The following CFAP43 variants were observed in gnomAD, a reference collection of about 807,000 sequenced individuals.
The protein encoded by CFAP43 is cilia- and flagella-associated protein 43.
In CFAP43, 155 loss-of-function variants were observed where a neutral mutation model predicts 218.9. The ratio of observed to expected loss-of-function variants is 0.71; its 90% CI spans 0.62 to 0.81. The LOEUF (loss-of-function observed/expected upper bound fraction) is 0.81. Among genes scored for constraint, CFAP43 ranks in the 30% least tolerant of loss-of-function variants. The probability of loss-of-function intolerance (pLI) is 0.00; values close to 1 mark genes in which losing one functional copy is unlikely to be tolerated. For synonymous variants in CFAP43, 645 were observed against 681.3 expected (o/e 0.95, Z 0.83); for missense variants, 1,778 against 1,954.3 (o/e 0.91, Z 1.70).
chr10:104,203,550 AC>A, intron 8 of CFAP43, 121 bp downstream of exon 8: 1 of 932,854 alleles, frequency 1.1e-6, no homozygotes, highest in Non-Finnish European at 1.5e-6. Flanking sequence ...TTCATTTACA[AC>A]CTAGAGTCTT....
chr10:104,178,932 G>T, intron 19 of CFAP43, 97 bp downstream of exon 19: 1 of 793,564 alleles, frequency 1.3e-6, no homozygotes, highest in Non-Finnish European at 1.9e-6. Context: ...GCAGAGAAAA[G>T]GGAGGTATAG....
chr10:104,137,076 C>T (rs1168737791), intron 34 of CFAP43, among the ~76,000 whole-genome samples: 1 of 152,172 alleles, frequency 6.6e-6, no homozygotes, highest in East Asian at 1.9e-4. Context: ...GTGCCTCAAT[C>T]AGTTAAACAT....
chr10:104,130,068 G>T lies in CFAP43; in HGVS notation c.*71C>A, dbSNP rs1241465596. ...TCAATTTCCCAGTAAGAAAGAAAAG[G>T]AAATCATTTTACCCAAATGAAATGA... On this transcript the variant is annotated 3_prime_UTR_variant, in exon 38 of 38. Transcript: ENST00000357060. 6.8e-7 allele frequency: 1 copy of T among 1,469,134 alleles called. No homozygotes were observed. The highest frequency in any genetic ancestry group is 1.4e-5 in the African/African-American group (1 of 69,940). The allele number at this position is 1,469,134 out of a possible 1,614,324, so 91.0% of individuals were successfully genotyped here.
intron 23 of CFAP43, among the ~76,000 whole-genome samples, chr10:104,164,554 C>G (rs934480010): frequency 6.6e-6 from 1 of 152,060 alleles, no homozygotes; most frequent in Non-Finnish European, 1.5e-5. Context: ...CCCGCTACCA[C>G]GCCCGGCTAA....
At chr10:104,176,960 C>T (rs1488078959) in intron 19 of CFAP43, among the ~76,000 whole-genome samples, 1 of 151,788 alleles carries the variant, frequency 6.6e-6, no homozygotes, top group Non-Finnish European at 1.5e-5. Flanking sequence ...GACCAATTAT[C>T]CAATAAGGAA....
chr10:104,217,026 A>G lies in CFAP43; in HGVS notation c.417-2600T>C, dbSNP rs150925973. Among the ~76,000 whole-genome samples the G allele has an allele frequency of 8.5e-5, 13 of 152,182 alleles. No homozygotes were observed. The East Asian group carries it at 9.7e-4, about 11-fold the overall frequency. On this transcript the variant is annotated intron_variant, in intron 3 of 37. Transcript: ENST00000357060. ...TGAGGTGTTCTTACTTACATTTCAC[A>G]CTTTGGCTATCCATTGACTTAATTA...
In CFAP43 at chr10:104,212,261, C is replaced by T. The variant is rs1045794094; in HGVS notation, c.585-104G>A. 33 of 1,124,034 alleles carry T rather than the reference C, an allele frequency of 2.9e-5. No homozygotes were observed. The Admixed American group carries it at 7.7e-4, about 26-fold the overall frequency. 69.6% of individuals were successfully genotyped at this position (1,124,034 alleles called of 1,614,324 possible). A position where few individuals can be genotyped will look rare whatever the true frequency, so the allele number is the denominator to read the frequency against. ...TGAGGTGGGGAGGTATTATAACTTGCAAAAATCAAATAAGAAGATAAAAGC... is the reference window on the plus strand; with the variant it reads ...TGAGGTGGGGAGGTATTATAACTTGTAAAAATCAAATAAGAAGATAAAAGC... On this transcript the variant is annotated intron_variant, in intron 4 of 37. Coordinates refer to ENST00000357060, the MANE Select transcript of CFAP43 (RefSeq NM_025145.7).
intron 19 of CFAP43, among the ~76,000 whole-genome samples, chr10:104,176,221 A>G (rs593151): frequency 0.47 from 71,382 of 152,066 alleles, 17,689 homozygotes; most frequent in African/African-American, 0.65. Flanking sequence ...ATTGATAGAG[A>G]AGACATTGCA....
chr10:104,205,453 A>G (rs1350331452), intron 7 of CFAP43, among the ~76,000 whole-genome samples: 6 of 152,198 alleles, frequency 3.9e-5, no homozygotes, highest in African/African-American at 1.2e-4. Flanking sequence ...GTAAGGACCT[A>G]TAAGATAATA....
chr10:104,154,470 T>C (rs568250875), intron 27 of CFAP43, among the ~76,000 whole-genome samples: 4 of 152,174 alleles, frequency 2.6e-5, no homozygotes, highest in Non-Finnish European at 5.9e-5. Flanking sequence ...AAAAAACACA[T>C]CTCAGGGTCA....
At chr10:104,209,691 A>T (rs998535305) in intron 5 of CFAP43, among the ~76,000 whole-genome samples, 1 of 152,238 alleles carries the variant, frequency 6.6e-6, no homozygotes, top group African/African-American at 2.4e-5. Flanking sequence ...AATTTGAGAG[A>T]GTAGAAATTT....
At chr10:104,186,572 A>G (rs978482996) in intron 14 of CFAP43, among the ~76,000 whole-genome samples, 8 of 152,120 alleles carry the variant, frequency 5.3e-5, no homozygotes, top group African/African-American at 1.9e-4. Context: ...CTACCTCCCT[A>G]TATGAGCGCT....
intron 28 of CFAP43, among the ~76,000 whole-genome samples, chr10:104,150,171 ACT>A (rs1359041346): frequency 6.6e-6 from 1 of 152,006 alleles, no homozygotes; most frequent in African/African-American, 2.4e-5. Context: ...ACCATATTTT[ACT>A]CATCTGCTCT....
rs367976970 is a variant in CFAP43, at chr10:104,152,596, C to A, written c.3660+11G>T. On this transcript the variant is annotated intron_variant, in intron 28 of 37. Coordinates refer to ENST00000357060, the MANE Select transcript of CFAP43 (RefSeq NM_025145.7). ...CTCCTTAAAAGTCACATAAGTAAAGCTTTTATTTACCTGGTTGGTAACCAT... is the reference window on the plus strand; with the variant it reads ...CTCCTTAAAAGTCACATAAGTAAAGATTTTATTTACCTGGTTGGTAACCAT... The A allele has an allele frequency of 4.5e-5, 73 of 1,612,468 alleles. No homozygotes were observed. The highest frequency in any genetic ancestry group is 5.4e-5 in the Non-Finnish European group (64 of 1,179,538).
At chr10:104,187,220 A>G in intron 14 of CFAP43, 100 bp downstream of exon 14, 2 of 933,350 alleles carry the variant, frequency 2.1e-6, no homozygotes, top group Non-Finnish European at 2.9e-6. Flanking sequence ...TGTTAACTGA[A>G]CTATTCTGTT....
intron 3 of CFAP43, among the ~76,000 whole-genome samples, chr10:104,220,225 C>G (rs980233829): frequency 1.3e-5 from 2 of 152,310 alleles, no homozygotes; most frequent in African/African-American, 4.8e-5. Flanking sequence ...GGCAGATTCT[C>G]TCTCACAGCC....
chr10:104,219,043 C>T (rs556645934), intron 3 of CFAP43, among the ~76,000 whole-genome samples: 1 of 152,112 alleles, frequency 6.6e-6, no homozygotes, highest in Non-Finnish European at 1.5e-5. Flanking sequence ...ATATCAGCTG[C>T]CAACTAGACA....
intron 3 of CFAP43, among the ~76,000 whole-genome samples, chr10:104,224,756 A>AAG (rs1456796855): frequency 7.8e-6 from 1 of 127,874 alleles, no homozygotes; most frequent in Non-Finnish European, 1.7e-5. Flanking sequence ...CTCCATCTCA[A>AAG]AAAAAAAAAA....
At chr10:104,166,401 A>G (rs1185613268) in intron 23 of CFAP43, 87 bp downstream of exon 23, 2 of 916,884 alleles carry the variant, frequency 2.2e-6, no homozygotes, top group East Asian at 5.2e-5. Context: ...TCATCATTTG[A>G]TTGGCATTTG....
Sources: gnomAD v4.1 joint callset for allele counts (sites outside exome capture counted in the v4.1 genomes callset) on GRCh38, gnomAD v4.1.1 for gene constraint, MANE v1.5 for transcripts, NCBI Gene and HGNC (gene_info 2026-07-23, HGNC 2026-07-21) for gene names.